The following ADARB2 variants were observed in gnomAD, a reference collection of about 807,000 sequenced individuals.
ADARB2 encodes adenosine deaminase RNA specific B2 (inactive).
Under a neutral mutation model 62.2 loss-of-function variants are expected in ADARB2, and 25 were observed. The observed-to-expected ratio is 0.40, with a 90% CI of 0.29 to 0.56. The LOEUF (loss-of-function observed/expected upper bound fraction) is 0.56, where lower values mean the gene tolerates loss of function less well. Among genes scored for constraint, ADARB2 ranks in the 20% least tolerant of loss-of-function variants. ADARB2 has a pLI of 0.43. For missense variants in ADARB2, 1,071 were observed against 1,077.4 expected, an observed-to-expected ratio of 0.99 and a Z score of 0.08; for synonymous variants, 572 against 500.8, an observed-to-expected ratio of 1.14 and a Z score of -1.90.
intron 1 of ADARB2, among the ~76,000 whole-genome samples, chr10:1,663,092 A>G (rs1834270065): frequency 6.6e-6 from 1 of 152,244 alleles, no homozygotes; most frequent in Admixed American, 6.5e-5. Flanking sequence ...AATTTTATAA[A>G]TTCAATATAT....
At chr10:1,228,451 G>A (rs1830767360) in intron 6 of ADARB2, among the ~76,000 whole-genome samples, 1 of 152,216 alleles carries the variant, frequency 6.6e-6, no homozygotes, top group South Asian at 2.1e-4. Context: ...AGGCCTCCCA[G>A]GGCCACTAAA....
At chr10:1,688,538 T>C (rs1319606516) in intron 1 of ADARB2, among the ~76,000 whole-genome samples, 1 of 152,206 alleles carries the variant, frequency 6.6e-6, no homozygotes, top group East Asian at 1.9e-4. Flanking sequence ...GGAAGGTACA[T>C]TGGTGGCTTG....
chr10:1,657,697 G>C (rs1834188930), intron 1 of ADARB2, among the ~76,000 whole-genome samples: 1 of 152,188 alleles, frequency 6.6e-6, no homozygotes, highest in South Asian at 2.1e-4. Flanking sequence ...CCTCTAAGCC[G>C]AGCGCAGGGT....
intron 1 of ADARB2, among the ~76,000 whole-genome samples, chr10:1,446,539 C>T (rs183737360): frequency 3.3e-5 from 5 of 152,208 alleles, no homozygotes; most frequent in African/African-American, 7.2e-5. Flanking sequence ...AGGGCTTAGG[C>T]GGGGGCGAAG....
chr10:1,611,894 C>T lies in ADARB2; in HGVS notation c.100+125157G>A, dbSNP rs563387190. On this transcript the variant is annotated intron_variant, in intron 1 of 9. Coordinates refer to ENST00000381312, the MANE Select transcript of ADARB2 (RefSeq NM_018702.4). ...AACCCTGGACCATGCACCCCAGATG[C>T]GTGGTGCCTGGGGGTGCAGCTGGGG... is the stretch of plus-strand genomic sequence containing the variant. Among the ~76,000 whole-genome samples the T allele has an allele frequency of 3.9e-5, 6 of 152,274 alleles. 1 individual carries two copies. The South Asian group carries it at 1.2e-3, about 32-fold the overall frequency.
intron 1 of ADARB2, among the ~76,000 whole-genome samples, chr10:1,495,783 T>C (rs1268503309): frequency 6.6e-6 from 1 of 150,904 alleles, no homozygotes; most frequent in Admixed American, 6.6e-5. Context: ...ATCATCATCA[T>C]TGGTATAAAC....
At chr10:1,403,816 T>C (rs1371498330) in intron 1 of ADARB2, among the ~76,000 whole-genome samples, 1 of 152,212 alleles carries the variant, frequency 6.6e-6, no homozygotes, top group Non-Finnish European at 1.5e-5. Flanking sequence ...CCCCTAAATC[T>C]GCTTTCATTC....
intron 7 of ADARB2, among the ~76,000 whole-genome samples, chr10:1,206,979 T>C (rs1480403553): frequency 6.6e-6 from 1 of 152,218 alleles, no homozygotes; most frequent in African/African-American, 2.4e-5. Flanking sequence ...GGGCTGCTGA[T>C]TGTTTCATTA....
chr10:1,563,803 T>C (rs10903488), intron 1 of ADARB2, among the ~76,000 whole-genome samples: 112,156 of 121,424 alleles, frequency 0.92, 52,065 homozygotes, highest in East Asian at 1. Context: ...ACAACAGTCC[T>C]CAGAGTGTGA....
intron 1 of ADARB2, among the ~76,000 whole-genome samples, chr10:1,416,508 T>C (rs1271250348): frequency 6.6e-6 from 1 of 152,212 alleles, no homozygotes; most frequent in Non-Finnish European, 1.5e-5. Flanking sequence ...TGTGGGTCTC[T>C]CTCCCTCTGT....
chr10:1,592,724 C>T (rs1833276560), intron 1 of ADARB2, among the ~76,000 whole-genome samples: 1 of 69,096 alleles, frequency 1.4e-5, no homozygotes, highest in Admixed American at 1.7e-4. Flanking sequence ...CTCCATAGGT[C>T]TCCTCTCTGG....
intron 1 of ADARB2, among the ~76,000 whole-genome samples, chr10:1,698,644 C>G (rs1026970814): frequency 1.3e-5 from 2 of 152,152 alleles, no homozygotes; most frequent in Admixed American, 6.5e-5. Flanking sequence ...AAAGGCACAT[C>G]TGTGTGTTGT....
At chr10:1,542,643 C>T (rs867780465) in intron 1 of ADARB2, among the ~76,000 whole-genome samples, 54 of 26,030 alleles carry the variant, frequency 2.1e-3, no homozygotes, top group African/African-American at 6.2e-3. Context: ...CCCACTCAGA[C>T]GCAGTTCAGA....
At chr10:1,598,643 G>C (rs183808313) in intron 1 of ADARB2, among the ~76,000 whole-genome samples, 2 of 152,186 alleles carry the variant, frequency 1.3e-5, no homozygotes, top group Admixed American at 1.3e-4. Context: ...CCCCTGAGAG[G>C]AGAGGAGGAA....
Position 1,249,655 on chromosome 10 carries a change from A to G in ADARB2, c.1193-7356T>C, listed in dbSNP as rs150869977. Among the ~76,000 whole-genome samples the G allele has an allele frequency of 2.7e-3, 416 of 151,740 alleles. 2 individuals are homozygous for G. Among genetic ancestry groups the G allele is most frequent in the Admixed American group, 6.2e-3 (94 of 15,240 alleles). ...ACACACACACATACACACGAGTATCATGCTCTATGGGGAAGCACTCCAGGC... is the reference window on the plus strand; with the variant it reads ...ACACACACACATACACACGAGTATCGTGCTCTATGGGGAAGCACTCCAGGC... On this transcript the variant is annotated intron_variant, in intron 4 of 9. Transcript: ENST00000381312.
At chr10:1,371,229 T>G (rs564466782) in intron 2 of ADARB2, among the ~76,000 whole-genome samples, 1 of 152,190 alleles carries the variant, frequency 6.6e-6, no homozygotes, top group East Asian at 1.9e-4. Flanking sequence ...GCTGGGAAAT[T>G]GGCTATCCAT....
rs367720530 is a variant in ADARB2 at position 1,737,006 on chromosome 10, C to T, written c.100+45G>A. On this transcript the variant is annotated intron_variant, in intron 1 of 9. Transcript: ENST00000381312. ...CCATGAGAGGCCGGGGTGGAGAAGC[C>T]GGGGGTGAAGGGGGGCAGGGGCCGG... The T allele has an allele frequency of 5.3e-5, 85 of 1,596,632 alleles. No homozygotes were observed. The South Asian group carries it at 6.9e-4, about 13-fold the overall frequency.
At chr10:1,265,468 GGAACAACGCT>G (rs1831186394) in intron 4 of ADARB2, among the ~76,000 whole-genome samples, 1 of 152,258 alleles carries the variant, frequency 6.6e-6, no homozygotes, top group Admixed American at 6.5e-5. Context: ...GATTCGGGAG[GGAACAACGCT>G]GAACTACTGT....
chr10:1,635,067 T>C (rs1412761708), intron 1 of ADARB2, among the ~76,000 whole-genome samples: 1 of 152,256 alleles, frequency 6.6e-6, no homozygotes, highest in African/African-American at 2.4e-5. Context: ...AGTGTATTTG[T>C]GAAATTGAAA....
Sources: gnomAD v4.1 joint callset for allele counts (sites outside exome capture counted in the v4.1 genomes callset) on GRCh38, gnomAD v4.1.1 for gene constraint, MANE v1.5 for transcripts, NCBI Gene and HGNC (gene_info 2026-07-23, HGNC 2026-07-21) for gene names.